The following GCH1 variants were observed in gnomAD, a reference collection of about 807,000 sequenced individuals.
GCH1 encodes the protein GTP cyclohydrolase 1, also known as GTP cyclohydrolase I.
GCH1 carries 5 observed loss-of-function variants against 25.9 expected under a neutral mutation model. The observed-to-expected ratio is 0.19, with a 90% CI of 0.10 to 0.41. The LOEUF (loss-of-function observed/expected upper bound fraction) is 0.41. Ranked by LOEUF, GCH1 falls within the 10% of genes least tolerant of loss-of-function variation. The probability of loss-of-function intolerance (pLI) is 1.00; values close to 1 mark genes in which losing one functional copy is unlikely to be tolerated. For missense variants in GCH1, 261 were observed against 336.5 expected, an observed-to-expected ratio of 0.78 and a Z score of 1.75; for synonymous variants, 159 against 129.6, an observed-to-expected ratio of 1.23 and a Z score of -1.54.
chr14:54,863,575 T>C (rs2039947355), intron 2 of GCH1, among the ~76,000 whole-genome samples: 1 of 147,740 alleles, frequency 6.8e-6, no homozygotes, highest in Non-Finnish European at 1.5e-5. Context: ...TGTGGTATAT[T>C]TGTACAATGG....
intron 3 of GCH1, among the ~76,000 whole-genome samples, chr14:54,849,217 T>C (rs2039689185): frequency 1.3e-5 from 2 of 152,266 alleles, no homozygotes; most frequent in Non-Finnish European, 2.9e-5. Context: ...ATGGTGAACA[T>C]GCTCTCTGTG....
At chr14:54,871,622 C>T (rs11627828) in intron 1 of GCH1, among the ~76,000 whole-genome samples, 31,806 of 152,072 alleles carry the variant, frequency 0.21, 3,407 homozygotes, top group Admixed American at 0.24. Context: ...GAATGGCTAA[C>T]TAGAATAACC....
intron 1 of GCH1, among the ~76,000 whole-genome samples, chr14:54,901,645 G>A (rs749884959): frequency 1.7e-4 from 26 of 152,214 alleles, no homozygotes; most frequent in South Asian, 8.3e-4. Flanking sequence ...GGTGGGGGGA[G>A]GAAACAGATT....
At chr14:54,846,420 C>T (rs1432398558) in intron 4 of GCH1, among the ~76,000 whole-genome samples, 1 of 152,026 alleles carries the variant, frequency 6.6e-6, no homozygotes, top group East Asian at 1.9e-4. Flanking sequence ...TAGGTTACGC[C>T]AAGCCATGGC....
intron 1 of GCH1, among the ~76,000 whole-genome samples, chr14:54,872,997 G>C (rs545293463): frequency 6.9e-4 from 105 of 151,832 alleles, no homozygotes; most frequent in South Asian, 3.3e-3. Flanking sequence ...TCTGCACCAA[G>C]CAGACCTAAC....
At chr14:54,845,659 A>G (rs937681618) in intron 5 of GCH1, 109 bp downstream of exon 5, 7 of 771,812 alleles carry the variant, frequency 9.1e-6, no homozygotes, top group African/African-American at 1.7e-5. Flanking sequence ...TACAGTTATC[A>G]TATCAGTTGT....
Position 54,843,276 on chromosome 14 carries a change from C to T in GCH1, c.*741G>A, listed in dbSNP as rs1167955431. 2 of 1,387,092 alleles carry T rather than the reference C, an allele frequency of 1.4e-6. No individual in the cohort carries two copies. Among genetic ancestry groups the T allele is most frequent in the East Asian group, 2.6e-5 (1 of 37,944 alleles). 85.9% of individuals were successfully genotyped at this position (1,387,092 alleles called of 1,614,324 possible). ...TTTTTTAAAAAGGCAAAAGTATCTA[C>T]ACTCTAAATGATATTCTTATCAAGG... On this transcript the variant is annotated 3_prime_UTR_variant, in exon 6 of 6. Coordinates refer to ENST00000491895, the MANE Select transcript of GCH1 (RefSeq NM_000161.3).
intron 1 of GCH1, chr14:54,886,212 T>G (rs2040349570): frequency 6.4e-6 from 1 of 156,526 alleles, no homozygotes; most frequent in Non-Finnish European, 1.4e-5. Flanking sequence ...TGGTCTCCAT[T>G]CATTTTGTTC....
rs2040589960 is a variant in GCH1, at chr14:54,902,744, G to T, written c.-81C>A. ...CGGCTAAACTCCGCCGGTGGCCGCG[G>T]ACAATGGGCTGTGGCCGGAGTCACC... On this transcript the variant is annotated 5_prime_UTR_variant, in exon 1 of 6. Transcript: ENST00000491895. 4.4e-6 allele frequency: 6 copies of T among 1,378,146 alleles called. No individual in the cohort carries two copies. Among genetic ancestry groups the T allele is most frequent in the Non-Finnish European group, 5.6e-6 (6 of 1,070,392 alleles). The allele number at this position is 1,378,146 out of a possible 1,614,324, so 85.4% of individuals were successfully genotyped here.
intron 1 of GCH1, among the ~76,000 whole-genome samples, chr14:54,882,648 C>G (rs1390971337): frequency 6.6e-6 from 1 of 152,006 alleles, no homozygotes; most frequent in Non-Finnish European, 1.5e-5. Context: ...ATAACAAGGT[C>G]TAGTTCACAG....
intron 1 of GCH1, among the ~76,000 whole-genome samples, chr14:54,870,598 G>C (rs1475512489): frequency 6.6e-6 from 1 of 152,176 alleles, no homozygotes; most frequent in African/African-American, 2.4e-5. Flanking sequence ...CCCTTTCCTA[G>C]TCAAAGAAAG....
chr14:54,875,874 C>T (rs369745694), intron 1 of GCH1, among the ~76,000 whole-genome samples: 3 of 152,258 alleles, frequency 2.0e-5, no homozygotes, highest in East Asian at 1.9e-4. Context: ...TGTGGAGAAA[C>T]AGGAACACTT....
chr14:54,887,776 G>A (rs1375493617), intron 1 of GCH1, among the ~76,000 whole-genome samples: 8 of 152,008 alleles, frequency 5.3e-5, no homozygotes, highest in East Asian at 1.9e-4. Flanking sequence ...AATAAACTAC[G>A]CCAATATGGC....
intron 1 of GCH1, among the ~76,000 whole-genome samples, chr14:54,892,534 C>T (rs2040436652): frequency 6.6e-6 from 1 of 151,938 alleles, no homozygotes; most frequent in South Asian, 2.1e-4. Context: ...ACTAAAAATA[C>T]AAAAATTAGC....
At position 54,859,442 on chromosome 14, in the gene GCH1, G is replaced by A. The variant is rs2039862211; in HGVS notation, c.509+239C>T. 7 of 526,932 alleles carry A rather than the reference G, an allele frequency of 1.3e-5. No homozygotes were observed. The East Asian group carries it at 2.1e-4, about 15-fold the overall frequency. 32.6% of individuals were successfully genotyped at this position (526,932 alleles called of 1,614,324 possible). The stretch of plus-strand genomic sequence containing the variant: ...CTCTGCAGAGAAAGAGGTGGGCTGA[G>A]ACTTCCAGGATGTATGTATCTATGG... On this transcript the variant is annotated intron_variant, in intron 3 of 5. Coordinates refer to ENST00000491895, the MANE Select transcript of GCH1 (RefSeq NM_000161.3).
intron 4 of GCH1, among the ~76,000 whole-genome samples, chr14:54,846,812 G>A (rs914008654): frequency 1.3e-5 from 2 of 152,142 alleles, no homozygotes; most frequent in African/African-American, 4.8e-5. Flanking sequence ...TGTAATCCCA[G>A]CACTTTGGGA....
Position 54,843,653 on chromosome 14 carries a change from T to A in GCH1, c.*364A>T. The A allele has an allele frequency of 6.4e-7, 1 of 1,562,500 alleles. No homozygotes were observed. The highest frequency in any genetic ancestry group is 8.6e-7 in the Non-Finnish European group (1 of 1,159,318). On this transcript the variant is annotated 3_prime_UTR_variant, in exon 6 of 6. Coordinates refer to ENST00000491895, the MANE Select transcript of GCH1 (RefSeq NM_000161.3). ...AAAAAAAACAGTATACTGGGCACAG[T>A]TCCCTCTCATTCCCAATGCTCCTAT...
intron 1 of GCH1, chr14:54,885,039 G>A (rs141066808): frequency 1.0e-4 from 30 of 296,406 alleles, no homozygotes; most frequent in African/African-American, 1.8e-4. Context: ...GTGCTGTTCC[G>A]GTGTGGCCCA....
At chr14:54,881,950 G>T (rs1202677969) in intron 1 of GCH1, among the ~76,000 whole-genome samples, 1 of 152,148 alleles carries the variant, frequency 6.6e-6, no homozygotes, top group African/African-American at 2.4e-5. Flanking sequence ...AGCCAGCCTT[G>T]TCACAAACAC....
Sources: gnomAD v4.1 joint callset for allele counts (sites outside exome capture counted in the v4.1 genomes callset) on GRCh38, gnomAD v4.1.1 for gene constraint, MANE v1.5 for transcripts, NCBI Gene and HGNC (gene_info 2026-07-23, HGNC 2026-07-21) for gene names.